VPS13B: variants seen among roughly 807,000 people sequenced by gnomAD.
The protein encoded by VPS13B is intermembrane lipid transfer protein VPS13B.
In VPS13B, 285 loss-of-function variants were observed where a neutral mutation model predicts 426.4. The ratio of observed to expected loss-of-function variants is 0.67; its 90% confidence interval spans 0.61 to 0.74. The LOEUF (loss-of-function observed/expected upper bound fraction) is 0.74. VPS13B is among the 30% of genes least tolerant of loss of function. The pLI is 0.00. For synonymous variants in VPS13B, 1,676 were observed against 1,676.4 expected, an observed-to-expected ratio of 1.00 and a Z score of 0.01; for missense variants, 4,537 against 4,782.6, an observed-to-expected ratio of 0.95 and a Z score of 1.51.
chr8:99,872,172 T>C (rs1817454730), intron 61 of VPS13B, among the ~76,000 whole-genome samples: 1 of 152,196 alleles, frequency 6.6e-6, no homozygotes, highest in African/African-American at 2.4e-5. Flanking sequence ...TGCAACTGGC[T>C]GCAGGGTGCT....
At position 99,821,493 on chromosome 8, in the gene VPS13B, A is replaced by G. The variant is rs776649670; in HGVS notation, c.9183+11A>G. On this transcript the variant is annotated intron_variant, in intron 50 of 61. Coordinates refer to ENST00000357162, the MANE Select transcript of VPS13B (RefSeq NM_152564.5). ...CCAGGACATCAGAAGGTAAGATCAA[A>G]GTCTATGTGGCTGGGAGGAAATAGC... is the stretch of plus-strand genomic sequence containing the variant. 1 of 1,613,574 alleles carries G rather than the reference A, an allele frequency of 6.2e-7. No individual in the cohort carries two copies. Among genetic ancestry groups the G allele is most frequent in the African/African-American group, 1.3e-5 (1 of 75,026 alleles).
chr8:99,593,961 T>C (rs184106556), intron 33 of VPS13B, among the ~76,000 whole-genome samples: 2 of 151,902 alleles, frequency 1.3e-5, no homozygotes, highest in Non-Finnish European at 2.9e-5. Context: ...GAATAGCTAA[T>C]GGATGCTGCA....
At chr8:99,801,636 C>T (rs1473168561) in intron 43 of VPS13B, among the ~76,000 whole-genome samples, 1 of 152,148 alleles carries the variant, frequency 6.6e-6, no homozygotes, top group Non-Finnish European at 1.5e-5. Flanking sequence ...TCTGGTCCAA[C>T]TTTTAACTTC....
chr8:99,870,645 TA>T, intron 59 of VPS13B, 139 bp from the exon 60 acceptor site: 1 of 733,642 alleles, frequency 1.4e-6, no homozygotes, highest in African/African-American at 1.7e-5. Context: ...AATGATTATC[TA>T]TACGCTTGCT....
At chr8:99,113,089 CTCTCCTTTTTTCTT>C (rs1488220191) in intron 6 of VPS13B, among the ~76,000 whole-genome samples, 15 of 138,574 alleles carry the variant, frequency 1.1e-4, no homozygotes, top group East Asian at 2.5e-4. Flanking sequence ...CCTCCGCTTT[CTCTCCTTTTTTCTT>C]TCTCCTTTTT....
At chr8:99,540,059 A>T (rs1452229234) in intron 30 of VPS13B, among the ~76,000 whole-genome samples, 49 of 5,592 alleles carry the variant, frequency 8.8e-3, no homozygotes, top group Non-Finnish European at 0.012. Flanking sequence ...ATATATATAT[A>T]TATATTTTTT....
chr8:99,647,785 AG>A (rs1829651186), intron 34 of VPS13B, among the ~76,000 whole-genome samples: 1 of 152,160 alleles, frequency 6.6e-6, no homozygotes, highest in African/African-American at 2.4e-5. Context: ...ATAATTCATA[AG>A]GGTCTTAAAA....
chr8:99,560,054 C>G (rs1824821544), intron 31 of VPS13B, among the ~76,000 whole-genome samples: 1 of 152,114 alleles, frequency 6.6e-6, no homozygotes, highest in South Asian at 2.1e-4. Context: ...GAATATTCTT[C>G]CATTTCTTTG....
intron 30 of VPS13B, among the ~76,000 whole-genome samples, chr8:99,531,423 A>G (rs1420651413): frequency 6.6e-6 from 1 of 152,114 alleles, no homozygotes. Flanking sequence ...TATTTATAGG[A>G]GATATTTAAA....
chr8:99,635,514 T>C lies in VPS13B; in HGVS notation c.5221-6297T>C, dbSNP rs1460697869. On this transcript the variant is annotated intron_variant, in intron 33 of 61. Transcript: ENST00000357162. ...TATGTTTGGTATATAGTAAGTTTTC[T>C]TACAAAGACAAAAAGATTAAAACAC... Among the ~76,000 whole-genome samples, 3 of 151,980 alleles carry C rather than the reference T, an allele frequency of 2.0e-5. No homozygotes were observed. The East Asian group carries it at 5.8e-4, about 29-fold the overall frequency.
chr8:99,221,893 C>T (rs868559296), intron 17 of VPS13B, among the ~76,000 whole-genome samples: 24 of 152,278 alleles, frequency 1.6e-4, no homozygotes, highest in Non-Finnish European at 2.8e-4. Context: ...GCTTCATATA[C>T]ATACTTTCTT....
intron 56 of VPS13B, among the ~76,000 whole-genome samples, chr8:99,858,320 G>C (rs116036454): frequency 6.6e-6 from 1 of 152,156 alleles, no homozygotes; most frequent in South Asian, 2.1e-4. Context: ...CAGACTCCAC[G>C]CACAGCCGCG....
In VPS13B at chr8:99,726,371, G is replaced by T. The variant is rs185838320; in HGVS notation, c.7050+5324G>T. On this transcript the variant is annotated intron_variant, in intron 39 of 61. Transcript: ENST00000357162. ...GCAGTTTAAATGGGTCTCAATAAAAGAAATTTCTGGCACTGTATATGGCAC... is the reference window on the plus strand; with the variant it reads ...GCAGTTTAAATGGGTCTCAATAAAATAAATTTCTGGCACTGTATATGGCAC... Among the ~76,000 whole-genome samples the T allele has an allele frequency of 3.3e-3, 502 of 152,214 alleles. 3 individuals are homozygous for T. The highest frequency in any genetic ancestry group is 5.0e-3 in the Non-Finnish European group (337 of 67,978).
intron 17 of VPS13B, among the ~76,000 whole-genome samples, chr8:99,204,083 G>A (rs1333284720): frequency 1.3e-5 from 2 of 152,148 alleles, no homozygotes; most frequent in East Asian, 3.9e-4. Context: ...AAAACTGGAG[G>A]CATCATGGTA....
chr8:99,488,732 T>C (rs1042306513), intron 25 of VPS13B, among the ~76,000 whole-genome samples: 7 of 152,180 alleles, frequency 4.6e-5, no homozygotes, highest in African/African-American at 1.7e-4. Flanking sequence ...GTGGAACCTC[T>C]GGAAGAGACT....
chr8:99,597,686 G>T (rs1169308667), intron 33 of VPS13B, among the ~76,000 whole-genome samples: 1 of 152,016 alleles, frequency 6.6e-6, no homozygotes, highest in Non-Finnish European at 1.5e-5. Flanking sequence ...AGTGGACAGA[G>T]AAAATGGTCC....
At chr8:99,267,870 T>G (rs1219942158) in intron 17 of VPS13B, among the ~76,000 whole-genome samples, 2 of 152,082 alleles carry the variant, frequency 1.3e-5, no homozygotes, top group African/African-American at 4.8e-5. Flanking sequence ...GTCAGAGACC[T>G]TCATGAGAGT....
At chr8:99,052,928 CT>C (rs1209365910) in intron 3 of VPS13B, among the ~76,000 whole-genome samples, 1 of 151,822 alleles carries the variant, frequency 6.6e-6, no homozygotes, top group Non-Finnish European at 1.5e-5. Context: ...CTCTTTTCTT[CT>C]TTATTACTCT....
chr8:99,801,855 A>G (rs531333441), intron 43 of VPS13B, among the ~76,000 whole-genome samples: 1 of 152,306 alleles, frequency 6.6e-6, no homozygotes, highest in East Asian at 1.9e-4. Flanking sequence ...CCTTAAAAAT[A>G]CTTGCCAAAT....
Sources: gnomAD v4.1 joint callset for allele counts (sites outside exome capture counted in the v4.1 genomes callset) on GRCh38, gnomAD v4.1.1 for gene constraint, MANE v1.5 for transcripts, NCBI Gene and HGNC (gene_info 2026-07-23, HGNC 2026-07-21) for gene names.